Variants in NCKAP5 observed in about 807,000 individuals in gnomAD.
The protein encoded by NCKAP5 is nck-associated protein 5.
Under a neutral mutation model 167.0 loss-of-function variants are expected in NCKAP5, and 92 were observed. The observed-to-expected ratio is 0.55, with a 90% CI of 0.47 to 0.66. The LOEUF is 0.66. Among genes scored for constraint, NCKAP5 ranks in the 30% least tolerant of loss-of-function variants. The pLI, the probability that NCKAP5 is intolerant of heterozygous loss-of-function variation, is 0.00. For missense variants in NCKAP5, 2,378 were observed against 2,315.0 expected, an observed-to-expected ratio of 1.03 and a Z score of -0.56; for synonymous variants, 891 against 877.4, an observed-to-expected ratio of 1.02 and a Z score of -0.27.
intron 4 of NCKAP5, among the ~76,000 whole-genome samples, chr2:133,296,107 A>G (rs1214734516): frequency 6.6e-6 from 1 of 152,162 alleles, no homozygotes; most frequent in Non-Finnish European, 1.5e-5. Flanking sequence ...AAGATTCCTC[A>G]CATGTCCAGC....
At chr2:132,727,691 T>C (rs1217704216) in intron 18 of NCKAP5, among the ~76,000 whole-genome samples, 1 of 152,144 alleles carries the variant, frequency 6.6e-6, no homozygotes, top group Admixed American at 6.5e-5. Context: ...GAGGCAGCCA[T>C]CCCAGGTGCT....
intron 19 of NCKAP5, among the ~76,000 whole-genome samples, chr2:132,679,340 CAAGT>C (rs1684901426): frequency 6.6e-6 from 1 of 152,066 alleles, no homozygotes; most frequent in Non-Finnish European, 1.5e-5. Flanking sequence ...ACTTGCTAGG[CAAGT>C]CAGTCCCTCA....
chr2:132,830,154 C>G (rs1687418688), intron 11 of NCKAP5, among the ~76,000 whole-genome samples: 1 of 152,172 alleles, frequency 6.6e-6, no homozygotes, highest in Non-Finnish European at 1.5e-5. Flanking sequence ...TTCCTTTCTC[C>G]ATCCTCTAAG....
chr2:133,592,979 G>A, the NCKAP5 span, among the ~76,000 whole-genome samples: 2 of 152,176 alleles, frequency 1.3e-5, no homozygotes, highest in African/African-American at 2.4e-5. Context: ...TGAAGCAGAA[G>A]GTAGCTGTCA....
At chr2:133,438,454 T>C (rs943154499) in intron 3 of NCKAP5, among the ~76,000 whole-genome samples, 1 of 152,162 alleles carries the variant, frequency 6.6e-6, no homozygotes, top group Admixed American at 6.5e-5. Context: ...AAAATAAAAC[T>C]TGAGAGGATA....
chr2:132,895,062 T>G (rs940857886), intron 8 of NCKAP5, among the ~76,000 whole-genome samples: 1 of 152,174 alleles, frequency 6.6e-6, no homozygotes, highest in Non-Finnish European at 1.5e-5. Context: ...CCGGGCGCAG[T>G]GGCTCACATC....
intron 3 of NCKAP5, among the ~76,000 whole-genome samples, chr2:133,308,313 CT>C (rs1680950386): frequency 6.6e-6 from 1 of 151,968 alleles, no homozygotes. Flanking sequence ...TGGTCTCGAT[CT>C]CCTGACCTTG....
At chr2:132,917,692 C>T (rs944701200) in intron 8 of NCKAP5, among the ~76,000 whole-genome samples, 5 of 152,260 alleles carry the variant, frequency 3.3e-5, no homozygotes, top group Admixed American at 6.5e-5. Flanking sequence ...CCTTTGTCCA[C>T]CTGTGGGGCT....
intron 6 of NCKAP5, among the ~76,000 whole-genome samples, chr2:133,120,563 A>G (rs2082218763): frequency 6.6e-6 from 1 of 152,192 alleles, no homozygotes; most frequent in Admixed American, 6.5e-5. Context: ...AGAGCCATAA[A>G]ACACTCTCAG....
the NCKAP5 span, among the ~76,000 whole-genome samples, chr2:133,633,356 C>T: frequency 6.6e-6 from 1 of 152,210 alleles, no homozygotes; most frequent in African/African-American, 2.4e-5. Context: ...CTTCAGGCAG[C>T]AGTGCTGGCC....
chr2:132,792,616 A>G (rs938914323), intron 12 of NCKAP5, among the ~76,000 whole-genome samples: 4 of 152,022 alleles, frequency 2.6e-5, no homozygotes, highest in Non-Finnish European at 4.4e-5. Flanking sequence ...AGATGTGTCT[A>G]CTCTACAGAG....
chr2:133,135,214 G>C (rs948257330), intron 5 of NCKAP5, among the ~76,000 whole-genome samples: 4 of 152,238 alleles, frequency 2.6e-5, no homozygotes, highest in Admixed American at 6.5e-5. Context: ...AAAGGCCTCT[G>C]AGGAAGTAAT....
intron 5 of NCKAP5, among the ~76,000 whole-genome samples, chr2:133,212,378 C>T (rs565239991): frequency 5.3e-4 from 80 of 152,196 alleles, no homozygotes; most frequent in African/African-American, 1.7e-3. Context: ...GTGAAAGTTT[C>T]CTTATTTATT....
At chr2:133,403,022 C>T (rs1688197990) in intron 3 of NCKAP5, among the ~76,000 whole-genome samples, 1 of 152,112 alleles carries the variant, frequency 6.6e-6, no homozygotes, top group Non-Finnish European at 1.5e-5. Context: ...ACTTTTATGT[C>T]CCAATGAAGA....
intron 8 of NCKAP5, among the ~76,000 whole-genome samples, chr2:132,931,988 C>T (rs76740559): frequency 6.6e-5 from 10 of 152,210 alleles, no homozygotes; most frequent in Admixed American, 2.0e-4. Context: ...GCATATTCAC[C>T]GTACAGGAAA....
intron 1 of NCKAP5, among the ~76,000 whole-genome samples, chr2:133,562,370 T>C (rs916178642): frequency 6.6e-6 from 1 of 152,200 alleles, no homozygotes; most frequent in Non-Finnish European, 1.5e-5. Flanking sequence ...TGAGCATGTA[T>C]TACTTTGACT....
intron 3 of NCKAP5, among the ~76,000 whole-genome samples, chr2:133,307,414 T>C (rs746697338): frequency 1.1e-4 from 17 of 151,940 alleles, no homozygotes; most frequent in Non-Finnish European, 4.4e-5. Flanking sequence ...AATAAGGACG[T>C]GATTATGTAC....
the NCKAP5 span, among the ~76,000 whole-genome samples, chr2:133,630,753 G>T: frequency 2.3e-3 from 344 of 152,242 alleles, 7 homozygotes; most frequent in Admixed American, 0.015. Context: ...CCTAGACATG[G>T]GAGTTAGGCC....
the NCKAP5 span, among the ~76,000 whole-genome samples, chr2:133,574,627 G>GCA: frequency 7.4e-6 from 1 of 135,944 alleles, no homozygotes; most frequent in Non-Finnish European, 1.6e-5. Flanking sequence ...TTTTTTGGAA[G>GCA]CACACACACA....
Sources: allele counts gnomAD v4.1 joint callset (sites outside exome capture counted in the v4.1 genomes callset), GRCh38; gene constraint gnomAD v4.1.1; transcripts MANE v1.5; gene names NCBI Gene and HGNC (gene_info 2026-07-23, HGNC 2026-07-21).